PCDH15: variants seen among roughly 807,000 people sequenced by gnomAD.
PCDH15 encodes protocadherin-15.
PCDH15 carries 129 observed loss-of-function variants against 178.5 expected under a neutral mutation model. The ratio of observed to expected loss-of-function variants is 0.72; its 90% CI spans 0.63 to 0.84. The LOEUF (loss-of-function observed/expected upper bound fraction) is 0.84. PCDH15 is among the 40% of genes least tolerant of loss of function. PCDH15 has a pLI of 0.00. For synonymous variants in PCDH15, 800 were observed against 732.0 expected (o/e 1.09, Z -1.50); for missense variants, 2,230 against 2,099.9 (o/e 1.06, Z -1.21).
At chr10:55,425,916 C>G (rs1315485383) in intron 2 of PCDH15, among the ~76,000 whole-genome samples, 1 of 152,044 alleles carries the variant, frequency 6.6e-6, no homozygotes, top group African/African-American at 2.4e-5. Flanking sequence ...TATATTTGCT[C>G]TTACTAACTG....
At chr10:55,299,458 C>T (rs955898605) in intron 1 of PCDH15, among the ~76,000 whole-genome samples, 4 of 152,172 alleles carry the variant, frequency 2.6e-5, no homozygotes, top group African/African-American at 7.2e-5. Flanking sequence ...AAAATGATGT[C>T]TTTCATGTAC....
At chr10:53,948,075 G>T (rs191696324) in intron 23 of PCDH15, among the ~76,000 whole-genome samples, 1 of 152,168 alleles carries the variant, frequency 6.6e-6, no homozygotes, top group East Asian at 1.9e-4. Flanking sequence ...TTGACTTTCG[G>T]TTTTTTACTT....
chr10:53,961,766 T>C lies in PCDH15; in HGVS notation c.2995A>G (p.Thr999Ala), dbSNP rs773114899. ...GAGACACTGACCTTAAAAATTGTTG[T>C]AGGTTCTTCATTAAGATTGACTCGT... Reference protein sequence around the residue: ...ITRVNLNEEPTTIFKLVVVAF... With the variant: ...ITRVNLNEEPATIFKLVVVAF... Residue 999 changes from threonine to alanine, a missense_variant, in exon 22 of 38, where the codon ACA becomes GCA. Physicochemically the swap from Thr to Ala is moderately conservative, Grantham distance 58. Transcript: ENST00000644397. 1 of 1,606,628 alleles carries C rather than the reference T, an allele frequency of 6.2e-7. No individual in the cohort carries two copies. The highest frequency in any genetic ancestry group is 8.5e-7 in the Non-Finnish European group (1 of 1,176,068).
chr10:55,373,212 C>A (rs977957387), intron 2 of PCDH15, among the ~76,000 whole-genome samples: 3 of 152,146 alleles, frequency 2.0e-5, no homozygotes, highest in South Asian at 2.1e-4. Flanking sequence ...AGTTATGGAA[C>A]TTTAATCATT....
At chr10:55,279,434 G>T (rs1177517462) in intron 1 of PCDH15, among the ~76,000 whole-genome samples, 3 of 152,172 alleles carry the variant, frequency 2.0e-5, no homozygotes, top group Non-Finnish European at 4.4e-5. Flanking sequence ...CCTTTGAAAT[G>T]AACTTTGAGA....
At chr10:55,278,356 C>G (rs930361630) in intron 1 of PCDH15, among the ~76,000 whole-genome samples, 1 of 151,760 alleles carries the variant, frequency 6.6e-6, no homozygotes, top group Non-Finnish European at 1.5e-5. Context: ...AATAATTATT[C>G]TATTTTCCTT....
intron 1 of PCDH15, among the ~76,000 whole-genome samples, chr10:54,760,015 A>C (rs1337850228): frequency 6.6e-6 from 1 of 152,192 alleles, no homozygotes; most frequent in Non-Finnish European, 1.5e-5. Flanking sequence ...TGATCTCAGC[A>C]GATAGCGATA....
At chr10:54,201,730 T>C (rs1417691830) in intron 10 of PCDH15, among the ~76,000 whole-genome samples, 1 of 119,448 alleles carries the variant, frequency 8.4e-6, no homozygotes, top group African/African-American at 3.3e-5. Context: ...ATTCGATAGA[T>C]ATTTATGGAT....
chr10:54,070,344 C>T lies in PCDH15; in HGVS notation c.2092-3459G>A, dbSNP rs534093436. Among the ~76,000 whole-genome samples, 27 of 152,138 alleles carry T rather than the reference C, an allele frequency of 1.8e-4. No individual in the cohort carries two copies. The South Asian group carries it at 2.7e-3, about 15-fold the overall frequency. Reference sequence around the variant, plus strand: ...TCAGCCTCCTGAGTAGCTGGGATTACAGACATGTGCCACCATGCCTGGCTA... The same window carrying T: ...TCAGCCTCCTGAGTAGCTGGGATTATAGACATGTGCCACCATGCCTGGCTA... On this transcript the variant is annotated intron_variant, in intron 17 of 37. Transcript: ENST00000644397.
intron 3 of PCDH15, among the ~76,000 whole-genome samples, chr10:54,830,490 A>C (rs892810724): frequency 8.6e-5 from 13 of 152,036 alleles, no homozygotes; most frequent in African/African-American, 3.1e-4. Context: ...AAGGACAAAA[A>C]ACCAAACACC....
chr10:54,421,816 GTATATATATATATATA>G, intron 3 of PCDH15, among the ~76,000 whole-genome samples: 1 of 107,962 alleles, frequency 9.3e-6, no homozygotes, highest in African/African-American at 4.1e-5. Flanking sequence ...TGTAGTGTGT[GTATATATATATATATA>G]TATATACACA....
intron 1 of PCDH15, among the ~76,000 whole-genome samples, chr10:54,728,051 T>G (rs1200556683): frequency 1.3e-5 from 2 of 151,104 alleles, no homozygotes; most frequent in African/African-American, 4.8e-5. Context: ...TCCAAAAAAC[T>G]GAGGAGGGAC....
intron 2 of PCDH15, among the ~76,000 whole-genome samples, chr10:55,375,952 GTGTT>G (rs1414501415): frequency 6.6e-6 from 1 of 151,600 alleles, no homozygotes; most frequent in Non-Finnish European, 1.5e-5. Context: ...ATAAATATGA[GTGTT>G]TATTTTATTC....
At chr10:54,222,531 G>T (rs1344363443) in intron 9 of PCDH15, among the ~76,000 whole-genome samples, 5 of 152,140 alleles carry the variant, frequency 3.3e-5, no homozygotes, top group Non-Finnish European at 7.4e-5. Flanking sequence ...TCATTGTTGA[G>T]TAATGTTTAA....
At chr10:53,984,122 C>CTTTTTTTTTTTTTTTTTT (rs57184119) in intron 21 of PCDH15, among the ~76,000 whole-genome samples, 7 of 112,688 alleles carry the variant, frequency 6.2e-5, no homozygotes, top group African/African-American at 2.5e-4. Context: ...AAGTGCTTTT[C>CTTTTTTTTTTTTTTTTTT]TTTTTTTTTT....
intron 1 of PCDH15, among the ~76,000 whole-genome samples, chr10:55,219,880 TCACACA>T (rs71461286): frequency 1.7e-4 from 25 of 144,140 alleles, no homozygotes; most frequent in Non-Finnish European, 2.4e-4. Flanking sequence ...CTGATATCAG[TCACACA>T]CACACACACA....
chr10:54,586,479 CCTTA>C (rs888939160), intron 2 of PCDH15, among the ~76,000 whole-genome samples: 1 of 152,104 alleles, frequency 6.6e-6, no homozygotes, highest in Non-Finnish European at 1.5e-5. Flanking sequence ...ATATGTGTCA[CCTTA>C]CTTAATCTTT....
rs187146384 is a variant in PCDH15, at chr10:53,950,036, A to G, written c.3123-9061T>C. 3.5e-3 allele frequency among the ~76,000 whole-genome samples: 531 copies of G among 152,266 alleles called. 2 individuals carry two copies. The highest frequency in any genetic ancestry group is 0.014 in the Middle Eastern group (4 of 292). ...AACTTTCAACCTGTCATTTATTACA[A>G]AACTAATTCGTATGAATCAACCAAC... On this transcript the variant is annotated intron_variant, in intron 23 of 37. Transcript: ENST00000644397.
intron 10 of PCDH15, 71 bp downstream of exon 10, chr10:54,213,865 C>T: frequency 2.0e-6 from 2 of 984,306 alleles, no homozygotes; most frequent in East Asian, 2.5e-5. Flanking sequence ...AAACTGCCTA[C>T]AGTAGCGTCT....
Sources: gnomAD v4.1 joint callset for allele counts (sites outside exome capture counted in the v4.1 genomes callset) on GRCh38, gnomAD v4.1.1 for gene constraint, MANE v1.5 for transcripts, NCBI Gene and HGNC (gene_info 2026-07-23, HGNC 2026-07-21) for gene names.